IMPDH1: variants seen among roughly 807,000 people sequenced by gnomAD.
IMPDH1 encodes the protein inosine monophosphate dehydrogenase 1.
IMPDH1 carries 41 observed loss-of-function variants against 73.5 expected under a neutral mutation model. The observed-to-expected ratio is 0.56, with a 90% CI of 0.43 to 0.72. The LOEUF is 0.72. IMPDH1 is among the 30% of genes least tolerant of loss of function. IMPDH1 has a pLI of 0.00. For synonymous variants in IMPDH1, 318 were observed against 334.3 expected, an observed-to-expected ratio of 0.95 and a Z score of 0.53; for missense variants, 645 against 824.8, an observed-to-expected ratio of 0.78 and a Z score of 2.67.
chr7:128,407,679 T>G (rs1212750782), intron 3 of IMPDH1, among the ~76,000 whole-genome samples: 3 of 152,090 alleles, frequency 2.0e-5, no homozygotes, highest in African/African-American at 4.8e-5. Flanking sequence ...TCTCTCTGGG[T>G]TACTGGGTCA....
rs1243297696 is a variant in IMPDH1, at chr7:128,401,770, A to T, written c.403-654T>A. ...AAAAGAGTCTTTTAGGCATCCAGGA[A>T]AGCAAGCAACGAATGGTCTGGAGCT... On this transcript the variant is annotated intron_variant, in intron 5 of 16. Coordinates refer to ENST00000338791, the MANE Select transcript of IMPDH1 (RefSeq NM_000883.4). Among the ~76,000 whole-genome samples, 4 of 152,254 alleles carry T rather than the reference A, an allele frequency of 2.6e-5. 1 individual carries two copies. In the East Asian group the frequency reaches 7.7e-4, roughly 29 times the overall value.
In IMPDH1 at chr7:128,400,194, G is replaced by C. The variant is rs749839343; in HGVS notation, c.787-12C>G. On this transcript the variant is annotated splice_polypyrimidine_tract_variant and intron_variant, in intron 8 of 16. Coordinates refer to ENST00000338791, the MANE Select transcript of IMPDH1 (RefSeq NM_000883.4). ...CTTGGCGTCATCACCTGTGGGGCCA[G>C]GAACATTTGCCTGCAGGTTGGCAGG... is the stretch of plus-strand genomic sequence containing the variant. 37 of 1,613,938 alleles carry C rather than the reference G, an allele frequency of 2.3e-5. No individual in the cohort carries two copies. In the South Asian group the frequency reaches 4.0e-4, roughly 17 times the overall value.
At chr7:128,397,710 T>C (rs1261187906) in intron 10 of IMPDH1, among the ~76,000 whole-genome samples, 1 of 152,026 alleles carries the variant, frequency 6.6e-6, no homozygotes, top group Non-Finnish European at 1.5e-5. Flanking sequence ...AGTCTTGATT[T>C]GCAATTGTTG....
Position 128,399,643 on chromosome 7 carries a change from C to T in IMPDH1, c.874+452G>A, listed in dbSNP as rs540207720. On this transcript the variant is annotated intron_variant, in intron 9 of 16. Transcript: ENST00000338791. ...CGAGGGTTGCAGTGAGCTGACATTGCGCCACTGTACTCCAGCCTGGGTGAG... is the reference window on the plus strand; with the variant it reads ...CGAGGGTTGCAGTGAGCTGACATTGTGCCACTGTACTCCAGCCTGGGTGAG... Among the ~76,000 whole-genome samples the T allele has an allele frequency of 2.4e-4, 37 of 151,700 alleles. 2 individuals are homozygous for T. The highest frequency in any genetic ancestry group is 8.2e-4 in the African/African-American group (34 of 41,374).
rs955200093 is a variant in IMPDH1, at chr7:128,394,063, G to A, written c.1778+215C>T. On this transcript the variant is annotated intron_variant, in intron 16 of 16. Transcript: ENST00000338791. The surrounding 1 kb of genome is among the most constrained non-coding windows in gnomAD (Gnocchi z 5.5). ...CCTGTGCCCTGCTCGGGAGAGGCCC[G>A]AGGGGAGGGGAGGGCCTGCTTGCAT... Among the ~76,000 whole-genome samples the A allele has an allele frequency of 2.6e-5, 4 of 152,182 alleles. No homozygotes were observed. The highest frequency in any genetic ancestry group is 1.9e-4 in the East Asian group (1 of 5,188).
chr7:128,404,498 C>T (rs541587763), intron 4 of IMPDH1, among the ~76,000 whole-genome samples: 20 of 152,296 alleles, frequency 1.3e-4, no homozygotes, highest in African/African-American at 4.3e-4. Context: ...GGGCCCCAAC[C>T]TGCTAAAATC....
Position 128,396,683 on chromosome 7 carries a change from G to A in IMPDH1, c.1178C>T (p.Ala393Val), listed in dbSNP as rs1371196763. 2 of 1,552,960 alleles carry A rather than the reference G, an allele frequency of 1.3e-6. No individual in the cohort carries two copies. The highest frequency in any genetic ancestry group is 1.4e-5 in the African/African-American group (1 of 73,324). Residue 393 changes from alanine (A) to valine (V), a missense_variant, in exon 12 of 17, where the codon GCC becomes GTC. This residue lies in a region of IMPDH1 where 459 missense variants were observed against 638.2 expected (regional missense o/e 0.72). Transcript: ENST00000338791. This position sits in a 1 kb window ranked among gnomAD's most constrained non-coding sequence, Gnocchi z 4.0. The part of the protein sequence containing the change: ...QVIGGNVVTA[A>V]QAKNLIDAGV... ...AGCATCAATCAGGTTCTTGGCCTGG[G>A]CTGCTGTCACCACTGGGGGTGGGGA...
At chr7:128,405,991 G>A in intron 3 of IMPDH1, 126 bp from the exon 4 acceptor site, 1 of 618,718 alleles carries the variant, frequency 1.6e-6, no homozygotes, top group Non-Finnish European at 2.0e-6. Flanking sequence ...GGGCGGGCCG[G>A]GGGCGGGGGC....
chr7:128,406,476 G>A (rs1240560518), intron 3 of IMPDH1, among the ~76,000 whole-genome samples: 4 of 151,870 alleles, frequency 2.6e-5, no homozygotes, highest in Admixed American at 6.6e-5. Context: ...CAGCTACCCA[G>A]CACTAAGGAC....
In IMPDH1 at chr7:128,392,312, A is replaced by C. The variant is rs1797591462; in HGVS notation, c.*695T>G. ...GTTGAGACCTGCTTGATTTATTCCAAGTATTTAATACACAATGACGCAACT... is the reference window on the plus strand; with the variant it reads ...GTTGAGACCTGCTTGATTTATTCCACGTATTTAATACACAATGACGCAACT... On this transcript the variant is annotated 3_prime_UTR_variant, in exon 17 of 17. Transcript: ENST00000338791. The C allele has an allele frequency of 6.5e-6, 1 of 152,914 alleles. No individual in the cohort carries two copies. Among genetic ancestry groups the C allele is most frequent in the Non-Finnish European group, 1.5e-5 (1 of 68,266 alleles). The allele number at this position is 152,914 out of a possible 1,614,324, so 9.5% of individuals were successfully genotyped here.
At chr7:128,393,180 A>T in intron 16 of IMPDH1, 152 bp from the exon 17 acceptor site, 3 of 828,500 alleles carry the variant, frequency 3.6e-6, no homozygotes, top group Non-Finnish European at 6.1e-6. Flanking sequence ...GAGGGCCTGG[A>T]GCAGGCCCTA....
Position 128,394,946 on chromosome 7 carries a change from C to G in IMPDH1, c.1493G>C (p.Gly498Ala). 1 of 1,613,652 alleles carries G rather than the reference C, an allele frequency of 6.2e-7. No homozygotes were observed. The highest frequency in any genetic ancestry group is 8.5e-7 in the Non-Finnish European group (1 of 1,180,014). The change falls in exon 14 of 17, where the codon GGC becomes GCC. Residue 498 changes from glycine to alanine, a missense_variant. Transcript: ENST00000338791. The surrounding 1 kb of genome is among the most constrained non-coding windows in gnomAD (Gnocchi z 5.5). ...SDGVRLKKYR[G>A]MGSLDAMEKS... is the part of the protein sequence containing the mutation. ...CTCCATGGCATCCAGTGAGCCCATG[C>G]CCCGGTACTTCTTGAGCCGCACCCC...
At position 128,396,465 on chromosome 7, in the gene IMPDH1, G is replaced by A. The variant is rs905648350; in HGVS notation, c.1261+135C>T. On this transcript the variant is annotated intron_variant, in intron 12 of 16. Coordinates refer to ENST00000338791, the MANE Select transcript of IMPDH1 (RefSeq NM_000883.4). This position sits in a 1 kb window ranked among gnomAD's most constrained non-coding sequence, Gnocchi z 4.0. ...CCTAAGTCAGTGGGCCCGATGGGGT[G>A]GGGCCCATGCCTGGGTCACCCCGGA... The A allele has an allele frequency of 6.6e-6, 5 of 753,936 alleles. No homozygotes were observed. The highest frequency in any genetic ancestry group is 1.7e-5 in the African/African-American group (1 of 57,922). 46.7% of individuals were successfully genotyped at this position (753,936 alleles called of 1,614,324 possible).
rs1287867945 is a variant in IMPDH1, at chr7:128,409,737, G to A, written c.146+19C>T. The stretch of plus-strand genomic sequence containing the variant: ...CGCCCGCCCCGGATGCGCCCCGCGC[G>A]CTCTGCCCTGGGCGTCACCTCTCGG... On this transcript the variant is annotated intron_variant, in intron 1 of 16. Transcript: ENST00000338791. 3 of 1,525,868 alleles carry A rather than the reference G, an allele frequency of 2.0e-6. No homozygotes were observed. Among genetic ancestry groups the A allele is most frequent in the Admixed American group, 4.0e-5 (2 of 50,012 alleles). The allele number at this position is 1,525,868 out of a possible 1,614,324, so 94.5% of individuals were successfully genotyped here.
In IMPDH1 at chr7:128,394,324, G is replaced by A. The variant is rs564606103; in HGVS notation, c.1732C>T (p.Arg578Trp). The change falls in exon 16 of 17, where the codon CGG becomes TGG. Residue 578 changes from arginine (R) to tryptophan (W), a missense_variant. Physicochemically the swap from Arg to Trp is moderately radical, Grantham distance 101. Around this residue, in one of 2 missense-constraint regions of IMPDH1, gnomAD observed 459 missense variants for 638.2 expected, o/e 0.72. Coordinates refer to ENST00000338791, the MANE Select transcript of IMPDH1 (RefSeq NM_000883.4). This position sits in a 1 kb window ranked among gnomAD's most constrained non-coding sequence, Gnocchi z 5.5. ...CCCTCAATCTGGGCCGACATGGTCC[G>A]CTTCTCAAACTTGAGCTCTCCTGAG... ...MYSGELKFEK[R>W]TMSAQIEGGV... is the part of the protein sequence containing the mutation. The A allele has an allele frequency of 1.4e-5, 23 of 1,614,070 alleles. No individual in the cohort carries two copies. In the South Asian group the frequency reaches 1.6e-4, roughly 12 times the overall value.
At chr7:128,397,631 C>G (rs1798018707) in intron 10 of IMPDH1, among the ~76,000 whole-genome samples, 1 of 152,124 alleles carries the variant, frequency 6.6e-6, no homozygotes, top group African/African-American at 2.4e-5. Flanking sequence ...ATGTATGGTC[C>G]AGATCACTCA....
At chr7:128,395,684 G>C (rs562477820) in intron 12 of IMPDH1, among the ~76,000 whole-genome samples, 2 of 152,226 alleles carry the variant, frequency 1.3e-5, no homozygotes, top group Admixed American at 6.5e-5. Flanking sequence ...AAGTGTCCAA[G>C]GTCCTTCAGT....
intron 9 of IMPDH1, 41 bp downstream of exon 9, chr7:128,400,054 A>T: frequency 2.1e-6 from 3 of 1,422,146 alleles, no homozygotes; most frequent in Non-Finnish European, 2.0e-6. Flanking sequence ...GTGGACAGGG[A>T]GTCAGGCTGG....
In IMPDH1 at chr7:128,392,862, C is replaced by T; in HGVS notation, c.*145G>A. On this transcript the variant is annotated 3_prime_UTR_variant, in exon 17 of 17. Transcript: ENST00000338791. ...GCCGAGTGAGGGGCAGCAGTCCCCT[C>T]AGGACCTCCCCTCCTCTCTGCCTGG... is the stretch of plus-strand genomic sequence containing the variant. The T allele has an allele frequency of 1.3e-6, 1 of 786,886 alleles. No homozygotes were observed. 48.7% of individuals were successfully genotyped at this position (786,886 alleles called of 1,614,324 possible). A position where few individuals can be genotyped will look rare whatever the true frequency, so the allele number is the denominator to read the frequency against.
Sources: allele counts gnomAD v4.1 joint callset (sites outside exome capture counted in the v4.1 genomes callset), GRCh38; gene constraint gnomAD v4.1.1; regional missense constraint gnomAD v4.1.1; non-coding constraint Gnocchi (gnomAD v3.1); transcripts MANE v1.5; gene names NCBI Gene and HGNC (gene_info 2026-07-23, HGNC 2026-07-21).